NCF4: variants seen among roughly 807,000 people sequenced by gnomAD.
NCF4 encodes neutrophil cytosolic factor 4.
NCF4 carries 30 observed loss-of-function variants against 41.7 expected under a neutral mutation model. The observed-to-expected ratio is 0.72, with a 90% confidence interval of 0.54 to 0.97. The LOEUF (loss-of-function observed/expected upper bound fraction) is 0.97, where lower values mean the gene tolerates loss of function less well. NCF4 is among the 50% of genes least tolerant of loss of function. The pLI is 0.00. For missense variants in NCF4, 432 were observed against 460.9 expected, an observed-to-expected ratio of 0.94 and a Z score of 0.57; for synonymous variants, 195 against 175.8, an observed-to-expected ratio of 1.11 and a Z score of -0.87.
rs746619780 is a variant in NCF4 at position 36,870,513 on chromosome 22, C to G, written c.441C>G (p.Leu147=). 2 of 1,613,244 alleles carry G rather than the reference C, an allele frequency of 1.2e-6. No homozygotes were observed. The highest frequency in any genetic ancestry group is 8.5e-7 in the Non-Finnish European group (1 of 1,180,016). ...PYDSEQVPQA[L]RRLRPRTRKV... ...ACTCAGAGCAGGTGCCCCAGGCACTCCGCCGGCTCCGCCCGCGCACCCGGA... is the reference window on the plus strand; with the variant it reads ...ACTCAGAGCAGGTGCCCCAGGCACTGCGCCGGCTCCGCCCGCGCACCCGGA... The change falls in exon 5 of 10, where the codon CTC becomes CTG. Residue 147 remains leucine (L), a synonymous_variant. Transcript: ENST00000248899.
At chr22:36,873,760 G>T (rs1367101096) in intron 7 of NCF4, among the ~76,000 whole-genome samples, 1 of 152,184 alleles carries the variant, frequency 6.6e-6, no homozygotes, top group Non-Finnish European at 1.5e-5. Context: ...ATTGCAGGCT[G>T]TTCAGCAATA....
chr22:36,877,018 A>G (rs564132942), intron 9 of NCF4, among the ~76,000 whole-genome samples: 1 of 147,120 alleles, frequency 6.8e-6, no homozygotes, highest in African/African-American at 2.7e-5. Flanking sequence ...CTGAGGCTTT[A>G]TACAGCCCCA....
At chr22:36,876,562 A>G (rs1206376412) in intron 9 of NCF4, among the ~76,000 whole-genome samples, 2 of 152,122 alleles carry the variant, frequency 1.3e-5, no homozygotes, top group African/African-American at 4.8e-5. Context: ...ATCACCTCAT[A>G]TTTTTACTCC....
At chr22:36,864,349 C>T (rs886810164) in intron 2 of NCF4, among the ~76,000 whole-genome samples, 2 of 152,190 alleles carry the variant, frequency 1.3e-5, no homozygotes, top group African/African-American at 4.8e-5. Context: ...TGGGTAGAAT[C>T]CAGGGTGCTG....
At chr22:36,867,497 G>A (rs1939956653) in intron 4 of NCF4, 35 bp downstream of exon 4, 27 of 1,609,448 alleles carry the variant, frequency 1.7e-5, no homozygotes, top group Non-Finnish European at 2.1e-5. Context: ...GCACGTGGAA[G>A]GGCATGCAGT....
At chr22:36,871,528 T>G (rs576479404) in intron 5 of NCF4, 124 bp from the exon 6 acceptor site, 71 of 1,101,806 alleles carry the variant, frequency 6.4e-5, no homozygotes, top group Non-Finnish European at 9.1e-5. Context: ...TGCAGCCACA[T>G]TTCAGCATCT....
intron 4 of NCF4, among the ~76,000 whole-genome samples, chr22:36,868,788 A>C (rs17811059): frequency 6.6e-6 from 1 of 152,054 alleles, no homozygotes; most frequent in African/African-American, 2.4e-5. Context: ...TTTGTGTCCA[A>C]TTGGGTTCCT....
At chr22:36,870,390 C>A (rs372447100) in intron 4 of NCF4, 25 bp from the exon 5 acceptor site, 6 of 1,613,454 alleles carry the variant, frequency 3.7e-6, no homozygotes, top group Non-Finnish European at 5.1e-6. Context: ...ACTACCCCAC[C>A]GGTTCTGCTG....
chr22:36,870,279 C>T (rs1342257256), intron 4 of NCF4, 136 bp from the exon 5 acceptor site: 6 of 1,244,036 alleles, frequency 4.8e-6, no homozygotes, highest in Admixed American at 1.8e-5. Context: ...TTAAACAACG[C>T]ATTTCTGTTA....
At chr22:36,868,997 A>C (rs904777357) in intron 4 of NCF4, among the ~76,000 whole-genome samples, 1 of 152,170 alleles carries the variant, frequency 6.6e-6, no homozygotes, top group Non-Finnish European at 1.5e-5. Flanking sequence ...GAAGAATGTG[A>C]ATCACATGAT....
chr22:36,867,520 GC>G, intron 4 of NCF4, 58 bp downstream of exon 4: 3 of 1,569,630 alleles, frequency 1.9e-6, no homozygotes, highest in Non-Finnish European at 8.8e-7. Context: ...TGGTGGGGGA[GC>G]CCACGTACCA....
Position 36,877,690 on chromosome 22 carries a change from G to A in NCF4, c.887G>A (p.Arg296Gln), listed in dbSNP as rs554387451. Residue 296 changes from arginine to glutamine, a missense_variant, in exon 10 of 10, where the codon CGG becomes CAG. By Grantham distance (43) the Arg-to-Gln change is conservative (BLOSUM62 1). Coordinates refer to ENST00000248899, the MANE Select transcript of NCF4 (RefSeq NM_000631.5). Reference protein sequence around the residue: ...NYRDAEGDLVRLLSDEDVALM... With the variant: ...NYRDAEGDLVQLLSDEDVALM... Reference sequence around the variant, plus strand: ...CGGGACGCTGAGGGGGATCTGGTTCGGCTGCTGTCGGATGAGGACGTAGCG... The same window carrying A: ...CGGGACGCTGAGGGGGATCTGGTTCAGCTGCTGTCGGATGAGGACGTAGCG... 5.6e-6 allele frequency: 9 copies of A among 1,614,164 alleles called. No homozygotes were observed. The highest frequency in any genetic ancestry group is 5.5e-5 in the South Asian group (5 of 91,080).
chr22:36,872,216 C>T (rs764209603), intron 6 of NCF4, 111 bp from the exon 7 acceptor site: 23 of 929,608 alleles, frequency 2.5e-5, no homozygotes, highest in South Asian at 2.7e-5. Flanking sequence ...TTATTCTCCC[C>T]AAGCCTCAGT....
Position 36,871,721 on chromosome 22 carries a change from C to A in NCF4, c.528+12C>A. 1 of 1,556,344 alleles carries A rather than the reference C, an allele frequency of 6.4e-7. No individual in the cohort carries two copies. Among genetic ancestry groups the A allele is most frequent in the East Asian group, 2.4e-5 (1 of 41,474 alleles). On this transcript the variant is annotated intron_variant, in intron 6 of 9. Coordinates refer to ENST00000248899, the MANE Select transcript of NCF4 (RefSeq NM_000631.5). ...CTCCGAGAGCAGAGGTAACCCCCGC[C>A]CCCACGCTGGCCAGGCTCTCACACT...
At position 36,867,373 on chromosome 22, in the gene NCF4, G is replaced by C; in HGVS notation, c.272-19G>C. On this transcript the variant is annotated intron_variant, in intron 3 of 9. Coordinates refer to ENST00000248899, the MANE Select transcript of NCF4 (RefSeq NM_000631.5). ...CATGTTGGGCCAGGCTCCTAGGACA[G>C]CTCTTTGTCTCTTCTCAGCCAAAGT... The C allele has an allele frequency of 1.2e-6, 2 of 1,614,118 alleles. No homozygotes were observed. Among genetic ancestry groups the C allele is most frequent in the Non-Finnish European group, 1.7e-6 (2 of 1,180,000 alleles).
intron 8 of NCF4, 32 bp from the exon 9 acceptor site, chr22:36,875,997 T>C: frequency 6.2e-7 from 1 of 1,614,028 alleles, no homozygotes; most frequent in Non-Finnish European, 8.5e-7. Flanking sequence ...TCCAGCCTGA[T>C]GCCTCCTTAC....
In NCF4 at chr22:36,875,834, G is replaced by A. The variant is rs150640467; in HGVS notation, c.758+51G>A. The A allele has an allele frequency of 3.0e-4, 482 of 1,613,820 alleles. No homozygotes were observed. Among genetic ancestry groups the A allele is most frequent in the Non-Finnish European group, 3.9e-4 (463 of 1,179,974 alleles). ...TGTCCAGCCTTCCTGCCATCCCTAC[G>A]ACCACTGCCCCTCACATCACCTTCT... On this transcript the variant is annotated intron_variant, in intron 8 of 9. Transcript: ENST00000248899.
intron 3 of NCF4, among the ~76,000 whole-genome samples, chr22:36,866,069 AC>A (rs1569111404): frequency 1.3e-5 from 2 of 151,756 alleles, no homozygotes; most frequent in Non-Finnish European, 1.5e-5. Context: ...CACAGCCTCA[AC>A]CCTCTTCTGT....
rs376148807 is a variant in NCF4, at chr22:36,877,784, G to A, written c.981G>A (p.Thr327=). 3.0e-5 allele frequency: 49 copies of A among 1,613,876 alleles called. No individual in the cohort carries two copies. Among genetic ancestry groups the A allele is most frequent in the Middle Eastern group, 1.6e-4 (1 of 6,084 alleles). ...KRLFPWKLHI[T]QKDNYRVYNT... is the part of the protein sequence containing the mutation. Reference sequence around the variant, plus strand: ...TCTTCCCCTGGAAGCTGCACATCACGCAGAAGGACAACTACAGGGTCTACA... The same window carrying A: ...TCTTCCCCTGGAAGCTGCACATCACACAGAAGGACAACTACAGGGTCTACA... Residue 327 remains threonine (T), a synonymous_variant, in exon 10 of 10, where the codon ACG becomes ACA. Transcript: ENST00000248899.
Sources: allele counts gnomAD v4.1 joint callset (sites outside exome capture counted in the v4.1 genomes callset), GRCh38; gene constraint gnomAD v4.1.1; transcripts MANE v1.5; gene names NCBI Gene and HGNC (gene_info 2026-07-23, HGNC 2026-07-21).